PXK: variants seen among roughly 807,000 people sequenced by gnomAD.
The protein encoded by PXK is PX domain-containing protein kinase-like protein.
A neutral mutation model predicts 84.7 loss-of-function variants in PXK; 35 were observed. That is an observed-to-expected ratio of 0.41 (90% CI 0.32 to 0.55). PXK has a LOEUF of 0.55. PXK is among the 20% of genes least tolerant of loss of function. The pLI is 0.21. For missense variants in PXK, 634 were observed against 699.7 expected (o/e 0.91, Z 1.06); for synonymous variants, 253 against 260.8 (o/e 0.97, Z 0.29).
Position 58,339,884 on chromosome 3 carries a change from G to A in PXK, c.102+6794G>A, listed in dbSNP as rs187972491. 6.6e-5 allele frequency among the ~76,000 whole-genome samples: 10 copies of A among 151,322 alleles called. No individual in the cohort carries two copies. In the East Asian group the frequency reaches 7.9e-4, roughly 12 times the overall value. Reference sequence around the variant, plus strand: ...GGCTGGAGTGCAATGGCGCGATCTCGGCTCACTGCAACCTCCACCTCCTGG... The same window carrying A: ...GGCTGGAGTGCAATGGCGCGATCTCAGCTCACTGCAACCTCCACCTCCTGG... On this transcript the variant is annotated intron_variant, in intron 1 of 17. Transcript: ENST00000356151.
At chr3:58,424,109 AAC>A (rs1239125370) in intron 17 of PXK, among the ~76,000 whole-genome samples, 6 of 152,212 alleles carry the variant, frequency 3.9e-5, no homozygotes, top group African/African-American at 1.2e-4. Flanking sequence ...TTGCATTGCT[AAC>A]AGTTATTAGC....
At chr3:58,403,188 A>G (rs1256081485) in intron 12 of PXK, among the ~76,000 whole-genome samples, 1 of 152,022 alleles carries the variant, frequency 6.6e-6, no homozygotes, top group East Asian at 1.9e-4. Context: ...TATTTTTAGT[A>G]GAGATGGGGT....
chr3:58,347,080 A>G (rs987314569), intron 1 of PXK, among the ~76,000 whole-genome samples: 3 of 152,070 alleles, frequency 2.0e-5, no homozygotes, highest in Admixed American at 6.6e-5. Context: ...ACCTCAAGTG[A>G]TCCACCTGCC....
chr3:58,380,455 A>G (rs1435804767), intron 3 of PXK, among the ~76,000 whole-genome samples: 1 of 151,474 alleles, frequency 6.6e-6, no homozygotes, highest in East Asian at 1.9e-4. Flanking sequence ...AAAAGGCATC[A>G]ATATGCTTGA....
In PXK at chr3:58,424,792, A is replaced by G. The variant is rs2062598003; in HGVS notation, c.1569A>G (p.Pro523=). The G allele has an allele frequency of 6.2e-7, 1 of 1,614,060 alleles. No homozygotes were observed. Among genetic ancestry groups the G allele is most frequent in the African/African-American group, 1.3e-5 (1 of 75,014 alleles). The change falls in exon 18 of 18, where the codon CCA becomes CCG. Residue 523 remains proline (P), a synonymous_variant. Coordinates refer to ENST00000356151, the MANE Select transcript of PXK (RefSeq NM_017771.5). The stretch of plus-strand genomic sequence containing the variant: ...CTCCACCTCCTCCACCTCCACCACC[A>G]CCAGCAGCTCCCTTGCCTCCTGCGA... ...ALPPPPPPPP[P]PAAPLPPAST...
intron 1 of PXK, 123 bp from the exon 2 acceptor site, chr3:58,365,747 GTCTC>G: frequency 2.9e-6 from 2 of 680,368 alleles, no homozygotes; most frequent in Non-Finnish European, 2.3e-6. Context: ...CTTTCTCTCT[GTCTC>G]TGGTAAATTT....
intron 3 of PXK, among the ~76,000 whole-genome samples, chr3:58,375,461 A>AT (rs1235864114): frequency 1.3e-5 from 2 of 152,130 alleles, no homozygotes; most frequent in African/African-American, 4.8e-5. Context: ...CCTCCCAGAC[A>AT]TTTTTTCTGT....
At chr3:58,348,227 G>A (rs1235300159) in intron 1 of PXK, among the ~76,000 whole-genome samples, 1 of 152,154 alleles carries the variant, frequency 6.6e-6, no homozygotes, top group Admixed American at 6.6e-5. Context: ...AACTTTGAAT[G>A]AAAGAGGTAA....
intron 17 of PXK, chr3:58,420,948 T>G (rs1355226452): frequency 9.4e-6 from 10 of 1,061,416 alleles, no homozygotes; most frequent in Non-Finnish European, 1.1e-5. Flanking sequence ...GGAAAGAGTG[T>G]TAGGCACTTG....
chr3:58,412,618 G>A lies in PXK; in HGVS notation c.1466-283G>A, dbSNP rs2060367418. 6.6e-6 allele frequency among the ~76,000 whole-genome samples: 1 copy of A among 152,144 alleles called. No individual in the cohort carries two copies. The highest frequency in any genetic ancestry group is 2.4e-5 in the African/African-American group (1 of 41,426). On this transcript the variant is annotated intron_variant, in intron 16 of 17. Coordinates refer to ENST00000356151, the MANE Select transcript of PXK (RefSeq NM_017771.5). This position sits in a 1 kb window ranked among gnomAD's most constrained non-coding sequence, Gnocchi z 6.2. ...TCAGGAAGAGATACTGCAGCCAATT[G>A]CCTAAGCTGTTGATGGTGCAAAGTT...
At chr3:58,415,457 T>A (rs1474754414) in intron 17 of PXK, among the ~76,000 whole-genome samples, 3 of 152,172 alleles carry the variant, frequency 2.0e-5, no homozygotes, top group African/African-American at 7.2e-5. Context: ...AGGATACAGA[T>A]GAAAAGATGC....
At position 58,414,116 on chromosome 3, in the gene PXK, T is replaced by C. The variant is rs1332332186; in HGVS notation, c.1528+1153T>C. The C allele has an allele frequency of 6.6e-6, 1 of 152,014 alleles. No individual in the cohort carries two copies. Among genetic ancestry groups the C allele is most frequent in the African/African-American group, 2.4e-5 (1 of 41,426 alleles). The allele number at this position is 152,014 out of a possible 1,614,324, so 9.4% of individuals were successfully genotyped here. On this transcript the variant is annotated intron_variant, in intron 17 of 17. Transcript: ENST00000356151. This position sits in a 1 kb window ranked among gnomAD's most constrained non-coding sequence, Gnocchi z 4.5. ...CCCAAATGTTGATCAAGACAGAAAA[T>C]AGGCCTTTTTTGTCTTTTATGGAGA...
Position 58,333,246 on chromosome 3 carries a change from C to A in PXK, c.102+156C>A. 3.0e-6 allele frequency: 1 copy of A among 330,888 alleles called. No homozygotes were observed. The highest frequency in any genetic ancestry group is 8.8e-5 in the South Asian group (1 of 11,424). 20.5% of individuals were successfully genotyped at this position (330,888 alleles called of 1,614,324 possible). On this transcript the variant is annotated intron_variant, in intron 1 of 17. Transcript: ENST00000356151. This position sits in a 1 kb window ranked among gnomAD's most constrained non-coding sequence, Gnocchi z 5.4. ...AGAAGGCTGTGGCGCGCCGCTGGGTCTGGGTCAGGGCCCCTGGGGCCCAGG... is the reference window on the plus strand; with the variant it reads ...AGAAGGCTGTGGCGCGCCGCTGGGTATGGGTCAGGGCCCCTGGGGCCCAGG...
At chr3:58,391,004 T>A (rs948957482) in intron 5 of PXK, 143 bp from the exon 6 acceptor site, 16 of 624,124 alleles carry the variant, frequency 2.6e-5, no homozygotes, top group Non-Finnish European at 3.7e-5. Context: ...TATGCCAACG[T>A]TATCAAATGG....
chr3:58,391,204 G>A lies in PXK; in HGVS notation c.524G>A (p.Arg175Gln). 4.3e-6 allele frequency: 7 copies of A among 1,613,398 alleles called. No individual in the cohort carries two copies. Among genetic ancestry groups the A allele is most frequent in the South Asian group, 1.1e-5 (1 of 91,016 alleles). The part of the protein sequence containing the change: ...LMKIKNQPKE[R>Q]LVLSWADLGP... ...AAGATTAAAAATCAGCCAAAGGAAC[G>A]GCTAGTGTTAAGCTGGGTAAGCTAG... Residue 175 changes from arginine to glutamine, a missense_variant, in exon 6 of 18, where the codon CGG (arginine) becomes CAG (glutamine). Physicochemically the swap from Arg to Gln is conservative, Grantham distance 43. Transcript: ENST00000356151.
In PXK at chr3:58,425,458, T is replaced by C. The variant is rs914927036; in HGVS notation, c.*498T>C. On this transcript the variant is annotated 3_prime_UTR_variant, in exon 18 of 18. Coordinates refer to ENST00000356151, the MANE Select transcript of PXK (RefSeq NM_017771.5). ...GACATTAACACTATAGCCCAAAGCATAGTTACTTTGCTAAATCAGAAAGCA... is the reference window on the plus strand; with the variant it reads ...GACATTAACACTATAGCCCAAAGCACAGTTACTTTGCTAAATCAGAAAGCA... The C allele has an allele frequency of 1.9e-5, 3 of 155,588 alleles. No homozygotes were observed. Among genetic ancestry groups the C allele is most frequent in the African/African-American group, 7.2e-5 (3 of 41,466 alleles). The allele number at this position is 155,588 out of a possible 1,614,324, so 9.6% of individuals were successfully genotyped here.
At chr3:58,393,342 G>A (rs1436996179) in intron 7 of PXK, among the ~76,000 whole-genome samples, 2 of 151,678 alleles carry the variant, frequency 1.3e-5, no homozygotes, top group Non-Finnish European at 2.9e-5. Flanking sequence ...AGCAGACTCC[G>A]TCTCAAAAAA....
chr3:58,334,945 G>GTGTGTGTGTC (rs2097561404), intron 1 of PXK, among the ~76,000 whole-genome samples: 2 of 134,508 alleles, frequency 1.5e-5, no homozygotes, highest in African/African-American at 6.0e-5. Context: ...GTGTGTGTGT[G>GTGTGTGTGTC]TGTGTGTGTG....
intron 2 of PXK, among the ~76,000 whole-genome samples, chr3:58,368,070 C>T (rs1270239530): frequency 6.6e-6 from 1 of 152,122 alleles, no homozygotes; most frequent in African/African-American, 2.4e-5. Context: ...CTCCTAAGCT[C>T]AAGGGATCCT....
Sources: allele counts gnomAD v4.1 joint callset (sites outside exome capture counted in the v4.1 genomes callset), GRCh38; gene constraint gnomAD v4.1.1; non-coding constraint Gnocchi (gnomAD v3.1); transcripts MANE v1.5; gene names NCBI Gene and HGNC (gene_info 2026-07-23, HGNC 2026-07-21).